The following KALRN variants were observed in gnomAD, a reference collection of about 807,000 sequenced individuals.
KALRN encodes kalirin.
KALRN carries 70 observed loss-of-function variants against 353.7 expected under a neutral mutation model. The observed-to-expected ratio is 0.20, with a 90% CI of 0.16 to 0.24. KALRN has a LOEUF of 0.24. Among genes scored for constraint, KALRN ranks in the 10% least tolerant of loss-of-function variants. KALRN has a pLI of 1.00. For missense variants in KALRN, 2,791 were observed against 3,756.7 expected (o/e 0.74, Z 6.72); for synonymous variants, 1,391 against 1,434.8 (o/e 0.97, Z 0.69).
intron 28 of KALRN, among the ~76,000 whole-genome samples, chr3:124,484,147 A>G (rs944308606): frequency 9.2e-5 from 14 of 152,202 alleles, no homozygotes; most frequent in African/African-American, 2.4e-5. Context: ...ATTTCACTGA[A>G]CCTGAAAACC....
chr3:124,462,652 T>A lies in KALRN; in HGVS notation c.4031+19T>A. On this transcript the variant is annotated intron_variant, in intron 25 of 59. Coordinates refer to ENST00000682506, the MANE Select transcript of KALRN (RefSeq NM_001388419.1). ...ATAACAAGTAGGTTTGTGGAGGGTCTCAGAGGTGCACACTTAGGCCGTAAA... is the reference window on the plus strand; with the variant it reads ...ATAACAAGTAGGTTTGTGGAGGGTCACAGAGGTGCACACTTAGGCCGTAAA... 7.0e-7 allele frequency: 1 copy of A among 1,421,270 alleles called. No individual in the cohort carries two copies. Among genetic ancestry groups the A allele is most frequent in the Admixed American group, 1.7e-5 (1 of 59,474 alleles). The allele number at this position is 1,421,270 out of a possible 1,614,324, so 88.0% of individuals were successfully genotyped here. A position where few individuals can be genotyped will look rare whatever the true frequency, so the allele number is the denominator to read the frequency against.
chr3:124,678,706 A>C, intron 50 of KALRN: 1 of 162,980 alleles, frequency 6.1e-6, no homozygotes, highest in Non-Finnish European at 1.3e-5. Flanking sequence ...CAAACCCCCA[A>C]CCCTGTGAAG....
At chr3:124,702,175 CA>C (rs1225460451) in intron 57 of KALRN, 59 bp downstream of exon 57, 2 of 1,052,726 alleles carry the variant, frequency 1.9e-6, no homozygotes, top group African/African-American at 3.1e-5. Flanking sequence ...CACATCAGAA[CA>C]GTAACTTTTT....
At chr3:124,489,940 T>G (rs1480406338) in intron 29 of KALRN, among the ~76,000 whole-genome samples, 1 of 152,162 alleles carries the variant, frequency 6.6e-6, no homozygotes, top group Non-Finnish European at 1.5e-5. Context: ...TTGTGCAAAG[T>G]AATCAAAGGG....
At chr3:124,574,010 G>C (rs2073835171) in intron 34 of KALRN, among the ~76,000 whole-genome samples, 1 of 152,150 alleles carries the variant, frequency 6.6e-6, no homozygotes, top group Non-Finnish European at 1.5e-5. Context: ...GTGTGATGGG[G>C]GTTGTGCTGA....
chr3:124,231,011 G>A (rs191273772), intron 2 of KALRN, among the ~76,000 whole-genome samples: 15 of 152,268 alleles, frequency 9.9e-5, no homozygotes, highest in Middle Eastern at 3.4e-3. Context: ...AGAAGAAAGC[G>A]CTGCAAGGAA....
chr3:124,481,845 C>T (rs564372680), intron 27 of KALRN, among the ~76,000 whole-genome samples: 30 of 152,358 alleles, frequency 2.0e-4, no homozygotes, highest in South Asian at 1.7e-3. Flanking sequence ...CCGGCCACTC[C>T]CAACCCCAGT....
intron 33 of KALRN, among the ~76,000 whole-genome samples, chr3:124,544,911 T>TA (rs923908412): frequency 1.3e-5 from 2 of 152,208 alleles, no homozygotes; most frequent in African/African-American, 2.4e-5. Flanking sequence ...TAGGGTGCTC[T>TA]AGGCAGAAGG....
chr3:124,050,081 G>A (rs1469172726), intron 1 of KALRN, among the ~76,000 whole-genome samples: 1 of 152,142 alleles, frequency 6.6e-6, no homozygotes, highest in Admixed American at 6.5e-5. Context: ...GGTAGTGATG[G>A]GAGCAAAGGA....
At chr3:124,044,872 T>A (rs2040315995) in intron 1 of KALRN, among the ~76,000 whole-genome samples, 1 of 25,422 alleles carries the variant, frequency 3.9e-5, no homozygotes, top group Non-Finnish European at 1.1e-4. Context: ...CTTCCTTCCT[T>A]CCTTCCTTCC....
rs143835330 is a variant in KALRN, at chr3:124,671,722, C to T, written c.6766C>T (p.Pro2256Ser). The T allele has an allele frequency of 3.7e-6, 6 of 1,614,170 alleles. No homozygotes were observed. Among genetic ancestry groups the T allele is most frequent in the Non-Finnish European group, 5.1e-6 (6 of 1,180,020 alleles). The change falls in exon 48 of 60, where the codon CCT (proline) becomes TCT (serine). Residue 2256 changes from proline to serine, a missense_variant. Physicochemically the swap from Pro to Ser is moderately conservative, Grantham distance 74 (BLOSUM62 -1). Around this residue, in one of 11 missense-constraint regions of KALRN, gnomAD observed 1,065 missense variants for 1,156.4 expected, o/e 0.92. Coordinates refer to ENST00000682506, the MANE Select transcript of KALRN (RefSeq NM_001388419.1). The stretch of plus-strand genomic sequence containing the variant: ...GAGCACAGCTGTGATGAGGTCTCAA[C>T]CTGCCAGGCTTCCCCAAGCCAGCCC... Reference protein sequence around the residue: ...ERSTAVMRSQPARLPQASPRP... With the variant: ...ERSTAVMRSQSARLPQASPRP...
chr3:124,680,244 C>T (rs1178177651), intron 51 of KALRN, among the ~76,000 whole-genome samples: 5 of 152,194 alleles, frequency 3.3e-5, no homozygotes, highest in Admixed American at 1.3e-4. Flanking sequence ...TTTCTCGCAC[C>T]CCAGGCTTAC....
At chr3:124,441,832 GAA>G (rs11303558) in intron 18 of KALRN, 111 bp from the exon 19 acceptor site, 8,170 of 491,888 alleles carry the variant, frequency 0.017, 6 homozygotes, top group South Asian at 0.022. Flanking sequence ...TCTCAAAAAA[GAA>G]AAAAAAAAAA....
chr3:124,286,058 G>A (rs1387143586), intron 5 of KALRN, among the ~76,000 whole-genome samples: 1 of 131,620 alleles, frequency 7.6e-6, no homozygotes, highest in Non-Finnish European at 1.7e-5. Context: ...GCTTCAGTGT[G>A]CTGTTTTCTT....
intron 6 of KALRN, among the ~76,000 whole-genome samples, chr3:124,308,260 C>T (rs967963116): frequency 4.6e-5 from 7 of 151,846 alleles, no homozygotes; most frequent in African/African-American, 1.7e-4. Context: ...ATGGATGGAA[C>T]AAATTAGCAG....
At chr3:124,245,297 T>C (rs2080988642) in intron 3 of KALRN, among the ~76,000 whole-genome samples, 1 of 152,206 alleles carries the variant, frequency 6.6e-6, no homozygotes, top group South Asian at 2.1e-4. Context: ...GTTCCATCCA[T>C]GTTGCTGCAA....
intron 34 of KALRN, among the ~76,000 whole-genome samples, chr3:124,622,644 T>C (rs928201438): frequency 1.3e-5 from 2 of 152,216 alleles, no homozygotes; most frequent in Admixed American, 6.5e-5. Context: ...GCAAAGACAC[T>C]GCTACTGGTC....
intron 34 of KALRN, among the ~76,000 whole-genome samples, chr3:124,617,318 A>G (rs2078724494): frequency 6.6e-6 from 1 of 152,192 alleles, no homozygotes; most frequent in Admixed American, 6.5e-5. Flanking sequence ...TGGGTGACAG[A>G]GTGAGACCCT....
chr3:124,671,236 A>ACCATG (rs2086398109), intron 47 of KALRN, among the ~76,000 whole-genome samples: 1 of 152,200 alleles, frequency 6.6e-6, no homozygotes, highest in Non-Finnish European at 1.5e-5. Flanking sequence ...CTCACTTTCT[A>ACCATG]GACTTTTCAT....
Sources: allele counts gnomAD v4.1 joint callset (sites outside exome capture counted in the v4.1 genomes callset), GRCh38; gene constraint gnomAD v4.1.1; regional missense constraint gnomAD v4.1.1; transcripts MANE v1.5; gene names NCBI Gene and HGNC (gene_info 2026-07-23, HGNC 2026-07-21).